The following DARS1 variants were observed in gnomAD, a reference collection of about 807,000 sequenced individuals.
DARS1 encodes aspartate--tRNA ligase, cytoplasmic.
DARS1 carries 51 observed loss-of-function variants against 68.8 expected under a neutral mutation model. That is an observed-to-expected ratio of 0.74 (90% CI 0.59 to 0.94). DARS1 has a LOEUF of 0.94. DARS1 is among the 40% of genes least tolerant of loss of function. The probability of loss-of-function intolerance (pLI) is 0.00; values close to 1 mark genes in which losing one functional copy is unlikely to be tolerated. For synonymous variants in DARS1, 203 were observed against 190.4 expected (o/e 1.07, Z -0.55); for missense variants, 607 against 597.3 (o/e 1.02, Z -0.17).
chr2:135,911,460 C>G lies in DARS1; in HGVS notation c.1264G>C (p.Gly422Arg). 1 of 1,051,476 alleles carries G rather than the reference C, an allele frequency of 9.5e-7. No individual in the cohort carries two copies. The highest frequency in any genetic ancestry group is 1.5e-6 in the Non-Finnish European group (1 of 665,482). 65.1% of individuals were successfully genotyped at this position (1,051,476 alleles called of 1,614,324 possible). The stretch of plus-strand genomic sequence containing the variant: ...TGAGCTCCTGACAATATTTCTTCTC[C>G]TCTCATGAACATATCGTAAGAGTTG... ...QSNSYDMFMR[G>R]EEILSGAQRI... is the part of the protein sequence containing the mutation. Residue 422 changes from glycine (G) to arginine (R), a missense_variant, in exon 14 of 16, where the codon GGA becomes CGA. Transcript: ENST00000264161.
intron 4 of DARS1, among the ~76,000 whole-genome samples, chr2:135,954,837 A>T (rs1238246536): frequency 6.6e-6 from 1 of 152,134 alleles, no homozygotes; most frequent in South Asian, 2.1e-4. Context: ...TTATTCACAT[A>T]ATCTATCAAT....
At chr2:135,974,344 A>G (rs1404580833) in intron 3 of DARS1, among the ~76,000 whole-genome samples, 1 of 152,258 alleles carries the variant, frequency 6.6e-6, no homozygotes. Flanking sequence ...GCGAATATGC[A>G]GTCCACGAAT....
chr2:135,965,328 T>C (rs1295914551), intron 3 of DARS1, among the ~76,000 whole-genome samples: 1 of 152,102 alleles, frequency 6.6e-6, no homozygotes, highest in Non-Finnish European at 1.5e-5. Flanking sequence ...TATAAATTAA[T>C]CTTTTTAATA....
At chr2:135,976,959 T>C (rs140248965) in intron 3 of DARS1, among the ~76,000 whole-genome samples, 3 of 152,296 alleles carry the variant, frequency 2.0e-5, no homozygotes, top group East Asian at 3.9e-4. Context: ...CAATGCTCTA[T>C]TATATGTGTA....
intron 15 of DARS1, among the ~76,000 whole-genome samples, chr2:135,908,143 G>T (rs1211114609): frequency 6.6e-6 from 1 of 152,176 alleles, no homozygotes; most frequent in Non-Finnish European, 1.5e-5. Context: ...GCTACAATTT[G>T]TGTAAAAATA....
rs541165338 is a variant in DARS1, at chr2:135,960,323, G to A, written c.320+1073C>T. On this transcript the variant is annotated intron_variant, in intron 4 of 15. Coordinates refer to ENST00000264161, the MANE Select transcript of DARS1 (RefSeq NM_001349.4). ...ATCCGAGTGCAGGTATTACTATGAC[G>A]TAATTTGATAAATATCTAAACCAAA... Among the ~76,000 whole-genome samples the A allele has an allele frequency of 1.1e-4, 17 of 152,214 alleles. No homozygotes were observed. In the East Asian group the frequency reaches 1.5e-3, roughly 14 times the overall value.
chr2:135,944,935 C>T (rs929303611), intron 4 of DARS1, among the ~76,000 whole-genome samples: 3 of 152,132 alleles, frequency 2.0e-5, no homozygotes, highest in African/African-American at 7.2e-5. Context: ...TCCTCTGTAT[C>T]GATCAATGTA....
chr2:135,985,652 T>G, upstream of DARS1: 26 of 1,389,836 alleles, frequency 1.9e-5, no homozygotes, highest in Non-Finnish European at 2.4e-5. Context: ...TATCTCGAGA[T>G]CCCGGAGCGC....
intron 5 of DARS1, among the ~76,000 whole-genome samples, chr2:135,936,935 C>A (rs2104813525): frequency 6.6e-6 from 1 of 152,256 alleles, no homozygotes; most frequent in East Asian, 1.9e-4. Flanking sequence ...GCACACGGAT[C>A]AGGGCGGGAA....
chr2:135,942,364 T>C (rs1200190660), intron 5 of DARS1, among the ~76,000 whole-genome samples: 2 of 152,014 alleles, frequency 1.3e-5, no homozygotes, highest in Non-Finnish European at 2.9e-5. Context: ...GGGACGTGGA[T>C]GAAGCTGGAA....
chr2:135,966,504 T>C (rs1682239750), intron 3 of DARS1, among the ~76,000 whole-genome samples: 1 of 152,194 alleles, frequency 6.6e-6, no homozygotes. Flanking sequence ...TCAAAACAGC[T>C]GAATGAACTA....
At chr2:135,941,016 C>T (rs2104817040) in intron 5 of DARS1, among the ~76,000 whole-genome samples, 2 of 152,274 alleles carry the variant, frequency 1.3e-5, no homozygotes, top group Admixed American at 1.3e-4. Flanking sequence ...AAAGAGGACA[C>T]AAACAAATGG....
upstream of DARS1, chr2:135,985,664 G>A: frequency 7.2e-7 from 1 of 1,383,772 alleles, no homozygotes; most frequent in South Asian, 1.5e-5. Flanking sequence ...CCGGAGCGCT[G>A]GCGGCCGCGC....
At chr2:135,960,980 A>G (rs1682086180) in intron 4 of DARS1, among the ~76,000 whole-genome samples, 1 of 152,136 alleles carries the variant, frequency 6.6e-6, no homozygotes, top group Non-Finnish European at 1.5e-5. Context: ...GCCAAACTAC[A>G]TTCTTTTATT....
intron 5 of DARS1, among the ~76,000 whole-genome samples, chr2:135,934,812 T>G (rs1681430851): frequency 6.7e-6 from 1 of 150,218 alleles, no homozygotes; most frequent in Non-Finnish European, 1.5e-5. Context: ...TTTTTTTTTT[T>G]GAGACGGAGT....
intron 4 of DARS1, among the ~76,000 whole-genome samples, chr2:135,955,780 A>T (rs532119124): frequency 7.4e-6 from 1 of 135,902 alleles, no homozygotes; most frequent in African/African-American, 2.8e-5. Context: ...TTCGCCTCCC[A>T]GGTAGCTGGG....
At chr2:135,916,919 G>C (rs73957069) in intron 10 of DARS1, among the ~76,000 whole-genome samples, 2,073 of 152,196 alleles carry the variant, frequency 0.014, 54 homozygotes, top group African/African-American at 0.047. Context: ...ATTTTTGACC[G>C]GGTGCAGTGG....
intron 4 of DARS1, among the ~76,000 whole-genome samples, chr2:135,957,417 C>T (rs775704636): frequency 6.6e-5 from 10 of 151,936 alleles, no homozygotes; most frequent in African/African-American, 9.7e-5. Context: ...TTAGTAGAGA[C>T]GGGTGTTAGC....
chr2:135,968,086 C>A (rs953690457), intron 3 of DARS1, among the ~76,000 whole-genome samples: 1 of 152,000 alleles, frequency 6.6e-6, no homozygotes, highest in African/African-American at 2.4e-5. Flanking sequence ...ATGGTGAAAC[C>A]CCGACTCTAC....
Sources: allele counts gnomAD v4.1 joint callset (sites outside exome capture counted in the v4.1 genomes callset), GRCh38; gene constraint gnomAD v4.1.1; transcripts MANE v1.5; gene names NCBI Gene and HGNC (gene_info 2026-07-23, HGNC 2026-07-21).